SAMD4A: variants seen among roughly 807,000 people sequenced by gnomAD.
SAMD4A encodes sterile alpha motif domain containing 4A, also known as protein Smaug homolog 1.
In SAMD4A, 33 loss-of-function variants were observed where a neutral mutation model predicts 81.3. The observed-to-expected ratio is 0.41, with a 90% CI of 0.31 to 0.54. The LOEUF is 0.54. Ranked by LOEUF, SAMD4A falls within the 20% of genes least tolerant of loss-of-function variation. The probability of loss-of-function intolerance (pLI) is 0.37; values close to 1 mark genes in which losing one functional copy is unlikely to be tolerated. For synonymous variants in SAMD4A, 389 were observed against 382.1 expected (o/e 1.02, Z -0.21); for missense variants, 854 against 951.1 (o/e 0.90, Z 1.34).
At chr14:54,748,044 C>G (rs941045424) in intron 4 of SAMD4A, among the ~76,000 whole-genome samples, 2 of 152,226 alleles carry the variant, frequency 1.3e-5, no homozygotes, top group Non-Finnish European at 2.9e-5. Context: ...CTTCCATTAT[C>G]CTATGGCCTA....
chr14:54,616,367 T>C (rs1217994971), intron 2 of SAMD4A, among the ~76,000 whole-genome samples: 3 of 152,256 alleles, frequency 2.0e-5, no homozygotes, highest in Non-Finnish European at 4.4e-5. Context: ...AACAGACACA[T>C]CTGCAGAAAA....
chr14:54,612,283 T>C (rs1222064764), intron 2 of SAMD4A, among the ~76,000 whole-genome samples: 2 of 152,232 alleles, frequency 1.3e-5, no homozygotes, highest in African/African-American at 4.8e-5. Context: ...AGTCTGTCCC[T>C]TAATGTTCTT....
chr14:54,568,286 C>T (rs895652217), intron 2 of SAMD4A, among the ~76,000 whole-genome samples, 174 bp downstream of exon 2: 5 of 151,864 alleles, frequency 3.3e-5, no homozygotes, highest in Non-Finnish European at 5.9e-5. Context: ...CCACTACCGC[C>T]CCCCACCTAC....
rs535045131 is a variant in SAMD4A, at chr14:54,785,860, G to C, written c.2128+1240G>C. On this transcript the variant is annotated intron_variant, in intron 12 of 12. Transcript: ENST00000554335. ...CTGAAAGCCTTCCAAGGGCATCACAGAGCTTCACCAAACAGATGGTGGGAA... is the reference window on the plus strand; with the variant it reads ...CTGAAAGCCTTCCAAGGGCATCACACAGCTTCACCAAACAGATGGTGGGAA... Among the ~76,000 whole-genome samples the C allele has an allele frequency of 2.0e-5, 3 of 152,326 alleles. No individual in the cohort carries two copies. In the East Asian group the frequency reaches 5.8e-4, roughly 29 times the overall value.
chr14:54,786,982 G>T (rs2039157450), intron 12 of SAMD4A, among the ~76,000 whole-genome samples: 1 of 152,206 alleles, frequency 6.6e-6, no homozygotes, highest in Non-Finnish European at 1.5e-5. Flanking sequence ...AGTTCAGGGT[G>T]GCCTAGTTGG....
chr14:54,757,394 TGTG>T (rs2038270355), intron 6 of SAMD4A, among the ~76,000 whole-genome samples: 1 of 139,250 alleles, frequency 7.2e-6, no homozygotes, highest in Non-Finnish European at 1.5e-5. Flanking sequence ...TGTGTGTGTG[TGTG>T]TGTGTGTGTG....
At chr14:54,673,401 G>A (rs1009968815) in intron 2 of SAMD4A, among the ~76,000 whole-genome samples, 7 of 152,184 alleles carry the variant, frequency 4.6e-5, no homozygotes, top group Admixed American at 4.6e-4. Flanking sequence ...TCCAAAGTTA[G>A]AAAACAATAC....
At chr14:54,737,708 A>T (rs867368259) in intron 4 of SAMD4A, among the ~76,000 whole-genome samples, 2 of 147,910 alleles carry the variant, frequency 1.4e-5, no homozygotes, top group African/African-American at 2.5e-5. Flanking sequence ...AAACCACGGG[A>T]TTTTTTTTTT....
At chr14:54,579,641 C>G (rs1459534430) in intron 2 of SAMD4A, among the ~76,000 whole-genome samples, 1 of 152,104 alleles carries the variant, frequency 6.6e-6, no homozygotes, top group Non-Finnish European at 1.5e-5. Flanking sequence ...TATGGCTTAG[C>G]TTTGTTTTTC....
At position 54,567,816 on chromosome 14, in the gene SAMD4A, G is replaced by T; in HGVS notation, c.-101G>T. 7.7e-7 allele frequency: 1 copy of T among 1,298,636 alleles called. No individual in the cohort carries two copies. Among genetic ancestry groups the T allele is most frequent in the African/African-American group, 1.5e-5 (1 of 66,022 alleles). 80.4% of individuals were successfully genotyped at this position (1,298,636 alleles called of 1,614,324 possible). On this transcript the variant is annotated 5_prime_UTR_variant, in exon 2 of 13. Transcript: ENST00000554335. ...ACCAGAGCCACCTTGGAACAGGAACGCGTCTCCGGCCGCGGGGCTGCGGCT... is the reference window on the plus strand; with the variant it reads ...ACCAGAGCCACCTTGGAACAGGAACTCGTCTCCGGCCGCGGGGCTGCGGCT...
intron 2 of SAMD4A, among the ~76,000 whole-genome samples, chr14:54,685,280 C>CCCA (rs1555343074): frequency 6.7e-6 from 1 of 148,380 alleles, no homozygotes; most frequent in Non-Finnish European, 1.5e-5. Context: ...TCCTGCCCCC[C>CCCA]CCCCCAGCTC....
At chr14:54,634,939 A>G (rs10150505) in intron 2 of SAMD4A, among the ~76,000 whole-genome samples, 1 of 152,220 alleles carries the variant, frequency 6.6e-6, no homozygotes, top group South Asian at 2.1e-4. Context: ...CCATGAGCCA[A>G]GAACTAAAGT....
chr14:54,721,914 C>T (rs1211615382), intron 3 of SAMD4A, among the ~76,000 whole-genome samples: 2 of 152,122 alleles, frequency 1.3e-5, no homozygotes, highest in Non-Finnish European at 2.9e-5. Context: ...TGAAAATGCC[C>T]AGTCTTTTTA....
intron 11 of SAMD4A, among the ~76,000 whole-genome samples, chr14:54,782,048 G>A (rs917289808): frequency 3.9e-5 from 6 of 152,164 alleles, no homozygotes; most frequent in Non-Finnish European, 5.9e-5. Flanking sequence ...GAGAAGAAGC[G>A]AACACCCCCA....
intron 2 of SAMD4A, among the ~76,000 whole-genome samples, chr14:54,674,406 A>C (rs2035947232): frequency 6.6e-6 from 1 of 152,272 alleles, no homozygotes; most frequent in African/African-American, 2.4e-5. Flanking sequence ...CGGCATGCCC[A>C]AGAATTTGTG....
intron 2 of SAMD4A, among the ~76,000 whole-genome samples, chr14:54,609,499 C>T (rs1274255465): frequency 6.6e-6 from 1 of 152,216 alleles, no homozygotes; most frequent in Non-Finnish European, 1.5e-5. Flanking sequence ...TCTGTTACAG[C>T]AGCCAATTGG....
intron 2 of SAMD4A, among the ~76,000 whole-genome samples, chr14:54,674,792 G>C (rs555667956): frequency 1.2e-4 from 18 of 152,290 alleles, no homozygotes; most frequent in Non-Finnish European, 5.9e-5. Flanking sequence ...CTGTCACCCA[G>C]GCTGTAGTGC....
At chr14:54,720,873 T>C (rs8020488) in intron 3 of SAMD4A, among the ~76,000 whole-genome samples, 147,088 of 152,206 alleles carry the variant, frequency 0.97, 71,272 homozygotes, top group East Asian at 1. Context: ...ACCACATAAA[T>C]TGCCATGTTT....
chr14:54,650,006 T>A (rs990723809), intron 2 of SAMD4A, among the ~76,000 whole-genome samples: 11 of 152,246 alleles, frequency 7.2e-5, no homozygotes, highest in African/African-American at 2.7e-4. Context: ...GTTACTGACT[T>A]ATGATATACC....
Sources: gnomAD v4.1 joint callset for allele counts (sites outside exome capture counted in the v4.1 genomes callset) on GRCh38, gnomAD v4.1.1 for gene constraint, MANE v1.5 for transcripts, NCBI Gene and HGNC (gene_info 2026-07-23, HGNC 2026-07-21) for gene names.